The following GSTCD variants were observed in gnomAD, a reference collection of about 807,000 sequenced individuals.
The protein encoded by GSTCD is glutathione S-transferase C-terminal domain-containing protein.
A neutral mutation model predicts 68.3 loss-of-function variants in GSTCD; 44 were observed. The observed-to-expected ratio is 0.64, with a 90% CI of 0.51 to 0.83. The LOEUF (loss-of-function observed/expected upper bound fraction) is 0.83. Among genes scored for constraint, GSTCD ranks in the 40% least tolerant of loss-of-function variants. GSTCD has a pLI of 0.00. For synonymous variants in GSTCD, 273 were observed against 255.2 expected (o/e 1.07, Z -0.67); for missense variants, 739 against 735.9 (o/e 1.00, Z -0.05).
At chr4:105,774,716 A>G (rs1734985780) in intron 5 of GSTCD, among the ~76,000 whole-genome samples, 1 of 152,162 alleles carries the variant, frequency 6.6e-6, no homozygotes, top group Non-Finnish European at 1.5e-5. Flanking sequence ...CTTCAGAGAG[A>G]TCCGCTGTTA....
intron 1 of GSTCD, among the ~76,000 whole-genome samples, chr4:105,713,578 A>G (rs1732600550): frequency 6.6e-6 from 1 of 152,216 alleles, no homozygotes; most frequent in African/African-American, 2.4e-5. Context: ...CTGATGTACA[A>G]TTCTCATCTC....
chr4:105,843,095 G>T (rs1341702404), intron 11 of GSTCD, among the ~76,000 whole-genome samples: 1 of 151,998 alleles, frequency 6.6e-6, no homozygotes, highest in Non-Finnish European at 1.5e-5. Flanking sequence ...TGTTTCTTTG[G>T]CTGAGCACCA....
intron 5 of GSTCD, among the ~76,000 whole-genome samples, chr4:105,817,603 A>T (rs72673832): frequency 1.3e-4 from 20 of 151,904 alleles, no homozygotes; most frequent in African/African-American, 4.8e-4. Flanking sequence ...AAAATGTAAA[A>T]TTAAAATAAC....
intron 5 of GSTCD, among the ~76,000 whole-genome samples, chr4:105,813,769 TC>T (rs1560841983): frequency 1.3e-5 from 2 of 152,324 alleles, no homozygotes; most frequent in South Asian, 4.1e-4. Flanking sequence ...GCTGGCTTCT[TC>T]TTTTTATTCA....
intron 10 of GSTCD, 25 bp downstream of exon 10, chr4:105,837,914 C>T: frequency 1.1e-6 from 1 of 922,382 alleles, no homozygotes; most frequent in South Asian, 1.6e-5. Context: ...ATCTAGATAT[C>T]ATCCTAATAC....
At chr4:105,822,654 T>C (rs889162441) in intron 5 of GSTCD, among the ~76,000 whole-genome samples, 4 of 152,112 alleles carry the variant, frequency 2.6e-5, no homozygotes, top group Non-Finnish European at 5.9e-5. Flanking sequence ...TCAGTTATTG[T>C]TTCCATGCTT....
rs74691542 is a variant in GSTCD at position 105,813,657 on chromosome 4, A to G, written c.1241-9297A>G. ...TTCATGATGAGTCTAAGTATGCACAATTGTAATGATCTCCCTCAAACATCC... is the reference window on the plus strand; with the variant it reads ...TTCATGATGAGTCTAAGTATGCACAGTTGTAATGATCTCCCTCAAACATCC... On this transcript the variant is annotated intron_variant, in intron 5 of 11. Coordinates refer to ENST00000515279, the MANE Select transcript of GSTCD (RefSeq NM_001370181.1). Among the ~76,000 whole-genome samples, 1,240 of 152,278 alleles carry G rather than the reference A, an allele frequency of 8.1e-3. 9 individuals carry two copies. The highest frequency in any genetic ancestry group is 0.017 in the Middle Eastern group (5 of 294).
At chr4:105,804,426 G>T (rs1736252093) in intron 5 of GSTCD, among the ~76,000 whole-genome samples, 1 of 151,980 alleles carries the variant, frequency 6.6e-6, no homozygotes, top group African/African-American at 2.4e-5. Context: ...ACAAAACATT[G>T]TGTTAAATTT....
In GSTCD at chr4:105,811,164, G is replaced by A. The variant is rs150138490; in HGVS notation, c.1241-11790G>A. ...TCCTTAGCACTTTTACTATGCTAGT[G>A]GGCATTGCGATTCTCCAAAAAAATA... On this transcript the variant is annotated intron_variant, in intron 5 of 11. Transcript: ENST00000515279. Among the ~76,000 whole-genome samples, 7 of 152,112 alleles carry A rather than the reference G, an allele frequency of 4.6e-5. No homozygotes were observed. The East Asian group carries it at 1.4e-3, about 29-fold the overall frequency.
At chr4:105,821,731 A>G (rs1050373783) in intron 5 of GSTCD, among the ~76,000 whole-genome samples, 1 of 151,964 alleles carries the variant, frequency 6.6e-6, no homozygotes, top group African/African-American at 2.4e-5. Context: ...GATATTTACA[A>G]TATTTCATAT....
chr4:105,726,544 T>C (rs1733040982), intron 3 of GSTCD, 35 bp from the exon 4 acceptor site: 4 of 1,363,684 alleles, frequency 2.9e-6, no homozygotes, highest in Middle Eastern at 2.2e-4. Flanking sequence ...AAACAAAATA[T>C]ATATAATAAT....
Position 105,847,105 on chromosome 4 carries a change from G to A in GSTCD, c.*1528G>A, listed in dbSNP as rs1724577647. 1 of 152,128 alleles carries A rather than the reference G, an allele frequency of 6.6e-6. No homozygotes were observed. The highest frequency in any genetic ancestry group is 2.4e-5 in the African/African-American group (1 of 41,436). The allele number at this position is 152,128 out of a possible 1,614,324, so 9.4% of individuals were successfully genotyped here. A position where few individuals can be genotyped will look rare whatever the true frequency, so the allele number is the denominator to read the frequency against. The stretch of plus-strand genomic sequence containing the variant: ...GCTTACCTAAATTCTTTTTCTGCCA[G>A]CCAACATTTTAAAAGACAAATGATG... On this transcript the variant is annotated 3_prime_UTR_variant, in exon 12 of 12. Transcript: ENST00000515279.
chr4:105,810,211 A>C lies in GSTCD; in HGVS notation c.1241-12743A>C, dbSNP rs574424627. On this transcript the variant is annotated intron_variant, in intron 5 of 11. Transcript: ENST00000515279. The stretch of plus-strand genomic sequence containing the variant: ...TGTTTATAAGATTAAACTAATGCAA[A>C]ATTTTAACTCACCAACATCGCCCTG... Among the ~76,000 whole-genome samples, 3 of 152,136 alleles carry C rather than the reference A, an allele frequency of 2.0e-5. No individual in the cohort carries two copies. In the South Asian group the frequency reaches 6.2e-4, roughly 31 times the overall value.
intron 3 of GSTCD, among the ~76,000 whole-genome samples, chr4:105,721,750 T>C (rs1001959912): frequency 6.6e-6 from 1 of 152,128 alleles, no homozygotes; most frequent in Non-Finnish European, 1.5e-5. Flanking sequence ...TTTATTACTT[T>C]ACAAAGTTAA....
chr4:105,767,028 A>C (rs1734642383), intron 5 of GSTCD, among the ~76,000 whole-genome samples: 1 of 151,320 alleles, frequency 6.6e-6, no homozygotes, highest in African/African-American at 2.4e-5. Context: ...AGAATGATTC[A>C]TGAATTGAGT....
At chr4:105,763,088 C>T (rs1023780938) in intron 5 of GSTCD, among the ~76,000 whole-genome samples, 3 of 152,102 alleles carry the variant, frequency 2.0e-5, no homozygotes, top group Non-Finnish European at 4.4e-5. Context: ...CACAGTTTCT[C>T]TTTTTATTGT....
At chr4:105,727,410 G>A (rs1733077318) in intron 4 of GSTCD, among the ~76,000 whole-genome samples, 1 of 151,732 alleles carries the variant, frequency 6.6e-6, no homozygotes, top group Non-Finnish European at 1.5e-5. Flanking sequence ...TGTGGTCCCA[G>A]CTATTCAGGA....
chr4:105,833,410 C>A (rs537748318), intron 8 of GSTCD, among the ~76,000 whole-genome samples: 90 of 152,040 alleles, frequency 5.9e-4, no homozygotes, highest in African/African-American at 2.1e-3. Flanking sequence ...TTGCAGTGAG[C>A]CGAGGTTGTG....
chr4:105,832,024 A>G (rs756430800), intron 8 of GSTCD, among the ~76,000 whole-genome samples: 8 of 152,236 alleles, frequency 5.3e-5, no homozygotes, highest in Middle Eastern at 3.2e-3. Context: ...TAGCTTAGTT[A>G]GGAATTACTT....
Sources: gnomAD v4.1 joint callset for allele counts (sites outside exome capture counted in the v4.1 genomes callset) on GRCh38, gnomAD v4.1.1 for gene constraint, MANE v1.5 for transcripts, NCBI Gene and HGNC (gene_info 2026-07-23, HGNC 2026-07-21) for gene names.